Variants in ULK2 observed in about 807,000 individuals in gnomAD.
The protein encoded by ULK2 is serine/threonine-protein kinase ULK2.
Under a neutral mutation model 127.5 loss-of-function variants are expected in ULK2, and 76 were observed. That is an observed-to-expected ratio of 0.60 (90% CI 0.50 to 0.72). The LOEUF is 0.72. ULK2 is among the 30% of genes least tolerant of loss of function. The pLI, the probability that ULK2 is intolerant of heterozygous loss-of-function variation, is 0.00. For synonymous variants in ULK2, 452 were observed against 461.9 expected, an observed-to-expected ratio of 0.98 and a Z score of 0.28; for missense variants, 1,144 against 1,295.9, an observed-to-expected ratio of 0.88 and a Z score of 1.80.
At chr17:19,795,807 G>C in intron 19 of ULK2, 82 bp from the exon 20 acceptor site, 5 of 1,319,140 alleles carry the variant, frequency 3.8e-6, no homozygotes, top group Non-Finnish European at 5.4e-6. Context: ...TAGAGAATGA[G>C]GAAACAAGAA....
At chr17:19,781,242 CTTTTTTTTTTTTT>C (rs200296663) in intron 23 of ULK2, 138 bp from the exon 24 acceptor site, 6 of 471,702 alleles carry the variant, frequency 1.3e-5, no homozygotes, top group African/African-American at 2.4e-5. Context: ...TCTTTCTTTT[CTTTTTTTTTTTTT>C]TTTTTTGACA....
At chr17:19,854,801 C>T (rs1374867821) in intron 3 of ULK2, among the ~76,000 whole-genome samples, 1 of 152,014 alleles carries the variant, frequency 6.6e-6, no homozygotes, top group East Asian at 2.0e-4. Context: ...GTAGGAACTT[C>T]CATATATTAA....
chr17:19,780,459 TAGAA>T lies in ULK2; in HGVS notation c.2916+9_2916+12del, dbSNP rs2086895369. On this transcript the variant is annotated intron_variant, in intron 25 of 26. Coordinates refer to ENST00000395544, the MANE Select transcript of ULK2 (RefSeq NM_014683.4). Reference sequence around the variant, plus strand: ...AGTAGTACTATACAATATTAAACCTTAGAAAGGGTTACCATTTCTACAGCACAAT... The same window carrying T: ...AGTAGTACTATACAATATTAAACCTTAGGGTTACCATTTCTACAGCACAAT... 5.0e-6 allele frequency: 8 copies of T among 1,604,146 alleles called. No homozygotes were observed. The highest frequency in any genetic ancestry group is 1.1e-5 in the South Asian group (1 of 88,862).
chr17:19,810,273 T>A, intron 14 of ULK2, 105 bp downstream of exon 14: 1 of 625,698 alleles, frequency 1.6e-6, no homozygotes, highest in Non-Finnish European at 2.5e-6. Flanking sequence ...AATAATGGAC[T>A]GTAAAACAAA....
rs1359228907 is a variant in ULK2, at chr17:19,784,079, T to C, written c.2252-174A>G. On this transcript the variant is annotated intron_variant, in intron 21 of 26. Coordinates refer to ENST00000395544, the MANE Select transcript of ULK2 (RefSeq NM_014683.4). The stretch of plus-strand genomic sequence containing the variant: ...TATTAATAGTTTTTACTTATCCATG[T>C]TCATTGTTATTCCTTGTCTATATAT... The C allele has an allele frequency of 1.1e-5, 5 of 446,104 alleles. No homozygotes were observed. The East Asian group carries it at 1.4e-4, about 13-fold the overall frequency. The allele number at this position is 446,104 out of a possible 1,614,324, so 27.6% of individuals were successfully genotyped here. A position where few individuals can be genotyped will look rare whatever the true frequency, so the allele number is the denominator to read the frequency against.
Position 19,865,743 on chromosome 17 carries a change from A to T in ULK2, c.176T>A (p.Ile59Asn). 1 of 1,506,680 alleles carries T rather than the reference A, an allele frequency of 6.6e-7. No individual in the cohort carries two copies. The allele number at this position is 1,506,680 out of a possible 1,614,324, so 93.3% of individuals were successfully genotyped here. The change falls in exon 2 of 27, where the codon ATC becomes AAC. Residue 59 changes from isoleucine (I) to asparagine (N), a missense_variant. Ile to Asn is a moderately radical substitution (Grantham distance 149, BLOSUM62 -3). Transcript: ENST00000395544. ...CTACATAAAGTAACATACCTTTAAG[A>T]TTTTAATTTCCTTTCCAAGCAGTAT... Reference protein sequence around the residue: ...SQILLGKEIKILKELQHENIV... With the variant: ...SQILLGKEIKNLKELQHENIV...
Position 19,796,205 on chromosome 17 carries a change from A to G in ULK2, c.1887T>C (p.Ala629=). ...CATTCCCATCTTTCGACTGTTCTTC[A>G]GCAGGCCCATGACGAGTAACCAAGG... ...LLALVTRHGP[A]EEQSKDGNEP... The change falls in exon 19 of 27, where the codon GCT becomes GCC. Residue 629 remains alanine, a synonymous_variant. Transcript: ENST00000395544. 2 of 1,614,154 alleles carry G rather than the reference A, an allele frequency of 1.2e-6. No homozygotes were observed. The highest frequency in any genetic ancestry group is 1.7e-6 in the Non-Finnish European group (2 of 1,180,032).
intron 4 of ULK2, 77 bp from the exon 5 acceptor site, chr17:19,849,482 A>T (rs1254361628): frequency 7.1e-7 from 1 of 1,398,840 alleles, no homozygotes; most frequent in Non-Finnish European, 9.9e-7. Flanking sequence ...AATTGTGATT[A>T]AAAAATCATT....
intron 3 of ULK2, among the ~76,000 whole-genome samples, chr17:19,859,730 T>C (rs2042203380): frequency 6.6e-6 from 1 of 152,196 alleles, no homozygotes; most frequent in Non-Finnish European, 1.5e-5. Flanking sequence ...TGGAGTACAG[T>C]GGCCAGTGGT....
At chr17:19,795,266 T>C (rs1339490399) in intron 20 of ULK2, among the ~76,000 whole-genome samples, 1 of 147,446 alleles carries the variant, frequency 6.8e-6, no homozygotes, top group East Asian at 2.0e-4. Context: ...TATGGGTCTT[T>C]ATAAAATCCA....
chr17:19,825,986 CA>C (rs200351375), intron 11 of ULK2, among the ~76,000 whole-genome samples, 152 bp downstream of exon 11: 3 of 140,650 alleles, frequency 2.1e-5, no homozygotes, highest in South Asian at 2.2e-4. Context: ...AACTCCATCT[CA>C]AAAAAAAAAA....
In ULK2 at chr17:19,789,856, A is replaced by T. The variant is rs928109652; in HGVS notation, c.2102-3770T>A. On this transcript the variant is annotated intron_variant, in intron 20 of 26. Transcript: ENST00000395544. ...GGCTATCTGAAAATACAGAGGAAAC[A>T]GAAGAAAAAAATGAAAAAGAATGAA... 2.0e-5 allele frequency among the ~76,000 whole-genome samples: 3 copies of T among 151,722 alleles called. No individual in the cohort carries two copies. The East Asian group carries it at 5.8e-4, about 29-fold the overall frequency.
intron 4 of ULK2, 81 bp downstream of exon 4, chr17:19,849,661 A>T: frequency 9.7e-7 from 1 of 1,031,098 alleles, no homozygotes; most frequent in Non-Finnish European, 1.4e-6. Flanking sequence ...AGGATTTGAA[A>T]TATGCAGATT....
chr17:19,777,231 A>G (rs2086828372), intron 26 of ULK2, among the ~76,000 whole-genome samples: 1 of 152,092 alleles, frequency 6.6e-6, no homozygotes, highest in Non-Finnish European at 1.5e-5. Context: ...CAGCCTCCCG[A>G]GCAGTGGAGC....
At chr17:19,800,235 G>A (rs577214928) in intron 16 of ULK2, among the ~76,000 whole-genome samples, 1 of 152,140 alleles carries the variant, frequency 6.6e-6, no homozygotes, top group Non-Finnish European at 1.5e-5. Context: ...ATTCTTCACA[G>A]AAGTTTCCCC....
chr17:19,780,690 A>G (rs544237949), intron 24 of ULK2, 61 bp from the exon 25 acceptor site: 3 of 1,506,880 alleles, frequency 2.0e-6, no homozygotes, highest in African/African-American at 2.8e-5. Context: ...AGACACAGTT[A>G]TATGTATCTT....
At position 19,841,470 on chromosome 17, in the gene ULK2, G is replaced by A; in HGVS notation, c.704+19C>T. The A allele has an allele frequency of 1.3e-6, 2 of 1,573,480 alleles. No individual in the cohort carries two copies. The highest frequency in any genetic ancestry group is 1.7e-6 in the Non-Finnish European group (2 of 1,167,268). On this transcript the variant is annotated intron_variant, in intron 9 of 26. Transcript: ENST00000395544. ...CTGTATTCACAAATAGTAAAACCCA[G>A]TGTAATCTAAACACATACCTAGGCA...
rs1265976292 is a variant in ULK2 at position 19,773,469 on chromosome 17, C to T, written c.*2880G>A. 1 of 152,078 alleles carries T rather than the reference C, an allele frequency of 6.6e-6. No individual in the cohort carries two copies. Among genetic ancestry groups the T allele is most frequent in the South Asian group, 2.1e-4 (1 of 4,816 alleles). 9.4% of individuals were successfully genotyped at this position (152,078 alleles called of 1,614,324 possible). A position where few individuals can be genotyped will look rare whatever the true frequency, so the allele number is the denominator to read the frequency against. Reference sequence around the variant, plus strand: ...GGCTGGTAATTCCTCTTGGTGGAGACAAAGGAACATGGGACTACGGGCAAT... The same window carrying T: ...GGCTGGTAATTCCTCTTGGTGGAGATAAAGGAACATGGGACTACGGGCAAT... On this transcript the variant is annotated 3_prime_UTR_variant, in exon 27 of 27. Transcript: ENST00000395544.
chr17:19,789,416 C>T (rs1251084024), intron 20 of ULK2, among the ~76,000 whole-genome samples: 3 of 152,148 alleles, frequency 2.0e-5, no homozygotes, highest in African/African-American at 7.2e-5. Context: ...GGAAAGTCTC[C>T]CCAAGAAGGA....
Sources: allele counts gnomAD v4.1 joint callset (sites outside exome capture counted in the v4.1 genomes callset), GRCh38; gene constraint gnomAD v4.1.1; transcripts MANE v1.5; gene names NCBI Gene and HGNC (gene_info 2026-07-23, HGNC 2026-07-21).